Variants in OSBPL10 observed in about 807,000 individuals in gnomAD.
OSBPL10 encodes oxysterol binding protein like 10.
Under a neutral mutation model 81.7 loss-of-function variants are expected in OSBPL10, and 49 were observed. The observed-to-expected ratio is 0.60, with a 90% CI of 0.48 to 0.76. OSBPL10 has a LOEUF of 0.76. OSBPL10 is among the 30% of genes least tolerant of loss of function. The pLI is 0.00. For synonymous variants in OSBPL10, 419 were observed against 383.6 expected, an observed-to-expected ratio of 1.09 and a Z score of -1.08; for missense variants, 923 against 987.8, an observed-to-expected ratio of 0.93 and a Z score of 0.88.
chr3:31,662,278 T>C (rs1700088825), intron 11 of OSBPL10, 162 bp from the exon 12 acceptor site: 1 of 1,399,578 alleles, frequency 7.1e-7, no homozygotes, highest in Non-Finnish European at 9.3e-7. Flanking sequence ...AGCTGCTCTT[T>C]GGAGATCTAG....
intron 3 of OSBPL10, among the ~76,000 whole-genome samples, chr3:31,840,380 G>A (rs1259938559): frequency 1.3e-5 from 2 of 152,156 alleles, no homozygotes; most frequent in African/African-American, 4.8e-5. Context: ...CAAATGCTCA[G>A]GCACAAAAAT....
intron 1 of OSBPL10, among the ~76,000 whole-genome samples, chr3:31,890,958 C>G (rs566508381): frequency 6.6e-6 from 1 of 152,158 alleles, no homozygotes; most frequent in East Asian, 1.9e-4. Flanking sequence ...AGCTAAAGCC[C>G]TGGGGTAAAA....
intron 3 of OSBPL10, among the ~76,000 whole-genome samples, chr3:31,834,332 C>T (rs1037721969): frequency 1.3e-4 from 20 of 152,208 alleles, no homozygotes; most frequent in African/African-American, 4.6e-4. Flanking sequence ...GTGGAAAATT[C>T]GGAGTCGAGA....
intron 4 of OSBPL10, among the ~76,000 whole-genome samples, chr3:31,804,904 T>C (rs1433189848): frequency 6.6e-6 from 1 of 152,252 alleles, no homozygotes; most frequent in Admixed American, 6.5e-5. Context: ...TTACTTTGTG[T>C]GTCTGTTTGG....
At chr3:31,962,018 G>A (rs1698181707) in intron 1 of OSBPL10, among the ~76,000 whole-genome samples, 1 of 151,396 alleles carries the variant, frequency 6.6e-6, no homozygotes, top group Non-Finnish European at 1.5e-5. Context: ...GCAGTGGTGT[G>A]ATCTCAGCTC....
intron 1 of OSBPL10, among the ~76,000 whole-genome samples, chr3:31,898,594 A>C (rs1231208484): frequency 2.7e-5 from 4 of 147,236 alleles, no homozygotes; most frequent in African/African-American, 1.0e-4. Context: ...AAAAAAAAAA[A>C]TCTAAAAAAA....
intron 4 of OSBPL10, among the ~76,000 whole-genome samples, chr3:31,826,375 C>T (rs529518247): frequency 3.3e-5 from 5 of 152,308 alleles, no homozygotes; most frequent in Non-Finnish European, 7.3e-5. Context: ...CTCTGAAATT[C>T]CCTATACTCA....
chr3:32,052,789 A>C (rs912315399), intron 1 of OSBPL10, among the ~76,000 whole-genome samples: 1 of 151,990 alleles, frequency 6.6e-6, no homozygotes. Context: ...AACATCATAC[A>C]TTGGGGCCTG....
rs915213377 is a variant in OSBPL10, at chr3:31,902,609, C to G, written c.282-22779G>C. Among the ~76,000 whole-genome samples the G allele has an allele frequency of 3.9e-5, 6 of 152,238 alleles. No individual in the cohort carries two copies. In the East Asian group the frequency reaches 9.7e-4, roughly 25 times the overall value. On this transcript the variant is annotated intron_variant, in intron 1 of 11. Transcript: ENST00000396556. ...ACAGAGTCTTGCTCTGTCGCCCAGGCTGGAGTGCAGTGGCGCAATCTCGGC... is the reference window on the plus strand; with the variant it reads ...ACAGAGTCTTGCTCTGTCGCCCAGGGTGGAGTGCAGTGGCGCAATCTCGGC...
intron 4 of OSBPL10, among the ~76,000 whole-genome samples, chr3:31,759,810 A>C (rs1697980512): frequency 6.6e-6 from 1 of 152,082 alleles, no homozygotes; most frequent in African/African-American, 2.4e-5. Context: ...CCCAGGCTGG[A>C]GTGCAGTGGC....
In OSBPL10 at chr3:31,918,493, T is replaced by G. The variant is rs149351417; in HGVS notation, c.282-38663A>C. Among the ~76,000 whole-genome samples, 357 of 145,886 alleles carry G rather than the reference T, an allele frequency of 2.4e-3. 2 individuals carry two copies. Among genetic ancestry groups the G allele is most frequent in the African/African-American group, 8.0e-3 (330 of 41,154 alleles). ...CATGCCTGGCTCCAGAGCAGTTTTG[T>G]GTCTAAAGAGTTTGGAATGGAAAAT... On this transcript the variant is annotated intron_variant, in intron 1 of 11. Transcript: ENST00000396556.
intron 4 of OSBPL10, among the ~76,000 whole-genome samples, chr3:31,761,813 T>TAAAAAAAAAAAAAAAAAA (rs34579457): frequency 2.3e-4 from 25 of 107,520 alleles, no homozygotes; most frequent in African/African-American, 1.3e-3. Flanking sequence ...AGACTGTCTC[T>TAAAAAAAAAAAAAAAAAA]AAAAAAAAAA....
intron 3 of OSBPL10, among the ~76,000 whole-genome samples, chr3:31,845,948 T>C (rs993371668): frequency 6.6e-6 from 1 of 152,236 alleles, no homozygotes; most frequent in African/African-American, 2.4e-5. Flanking sequence ...AGATGAGACA[T>C]GTGCTTTGCA....
rs577687784 is a variant in OSBPL10, at chr3:31,725,818, T to TACTACCAATGAAC, written c.1095+7426_1095+7438dup. Among the ~76,000 whole-genome samples the TACTACCAATGAAC allele has an allele frequency of 2.6e-3, 395 of 152,334 alleles. 2 individuals are homozygous for TACTACCAATGAAC. The highest frequency in any genetic ancestry group is 9.1e-3 in the African/African-American group (377 of 41,572). On this transcript the variant is annotated intron_variant, in intron 6 of 11. Transcript: ENST00000396556. ...AGGAAGCATGCCCTTTAGTCATGAA[T>TACTACCAATGAAC]ACTACCAATGAACCTCATCGTTCAC...
intron 4 of OSBPL10, among the ~76,000 whole-genome samples, chr3:31,748,637 C>A (rs77330011): frequency 1.3e-5 from 1 of 76,690 alleles, no homozygotes; most frequent in Non-Finnish European, 2.7e-5. Context: ...CCCCTTCGCT[C>A]GCTTGCAAAA....
intron 2 of OSBPL10, among the ~76,000 whole-genome samples, chr3:32,022,541 T>C (rs1484299328): frequency 2.0e-5 from 3 of 152,054 alleles, no homozygotes; most frequent in Admixed American, 2.0e-4. Context: ...ATCCCAGCAT[T>C]TTGGAAGGCT....
chr3:31,764,907 C>T (rs1559454683), intron 4 of OSBPL10, among the ~76,000 whole-genome samples: 1 of 152,180 alleles, frequency 6.6e-6, no homozygotes, highest in Non-Finnish European at 1.5e-5. Flanking sequence ...ATTCCTTCTT[C>T]GACCCCGGCT....
At chr3:32,070,002 A>T (rs1699814278) in intron 1 of OSBPL10, among the ~76,000 whole-genome samples, 1 of 152,186 alleles carries the variant, frequency 6.6e-6, no homozygotes, top group Admixed American at 6.5e-5. Context: ...CTGCTTCTAA[A>T]GCCTCTGGAG....
chr3:31,876,821 T>C (rs1701484789), intron 2 of OSBPL10, among the ~76,000 whole-genome samples: 1 of 151,848 alleles, frequency 6.6e-6, no homozygotes, highest in South Asian at 2.1e-4. Context: ...AATACTTATT[T>C]AAAAAGAAAG....
Sources: allele counts gnomAD v4.1 joint callset (sites outside exome capture counted in the v4.1 genomes callset), GRCh38; gene constraint gnomAD v4.1.1; transcripts MANE v1.5; gene names NCBI Gene and HGNC (gene_info 2026-07-23, HGNC 2026-07-21).